Variants in ATAD2B observed in about 807,000 individuals in gnomAD.
ATAD2B encodes ATPase family AAA domain containing 2B.
ATAD2B carries 40 observed loss-of-function variants against 167.6 expected under a neutral mutation model. That is an observed-to-expected ratio of 0.24 (90% CI 0.19 to 0.31). The LOEUF (loss-of-function observed/expected upper bound fraction) is 0.31, where lower values mean the gene tolerates loss of function less well. ATAD2B is among the 10% of genes least tolerant of loss of function. The pLI is 1.00. For synonymous variants in ATAD2B, 579 were observed against 596.5 expected (o/e 0.97, Z 0.43); for missense variants, 1,242 against 1,757.2 (o/e 0.71, Z 5.24).
chr2:23,842,404 A>G (rs1205390922), intron 13 of ATAD2B, among the ~76,000 whole-genome samples: 1 of 152,222 alleles, frequency 6.6e-6, no homozygotes, highest in African/African-American at 2.4e-5. Context: ...CCTATGCATT[A>G]TAATACATGA....
intron 22 of ATAD2B, among the ~76,000 whole-genome samples, chr2:23,779,021 G>A (rs1281687951): frequency 6.6e-6 from 1 of 152,148 alleles, no homozygotes; most frequent in East Asian, 1.9e-4. Context: ...AGCAAGGGAA[G>A]GGAGTGAAAT....
intron 13 of ATAD2B, among the ~76,000 whole-genome samples, chr2:23,849,033 T>C (rs1692142167): frequency 6.6e-6 from 1 of 151,996 alleles, no homozygotes; most frequent in Non-Finnish European, 1.5e-5. Context: ...CTTTCAAAGT[T>C]TCAAAGTGTT....
chr2:23,787,365 T>A (rs1680981217), intron 20 of ATAD2B, among the ~76,000 whole-genome samples: 1 of 151,990 alleles, frequency 6.6e-6, no homozygotes, highest in Non-Finnish European at 1.5e-5. Context: ...CATAGAAAAT[T>A]CAGATCTATG....
the ATAD2B span, among the ~76,000 whole-genome samples, chr2:23,711,493 C>A: frequency 6.6e-6 from 1 of 151,456 alleles, no homozygotes; most frequent in African/African-American, 2.4e-5. Context: ...CCTCAGCCTC[C>A]CAAGTAGCTG....
intron 25 of ATAD2B, chr2:23,754,994 C>A: frequency 2.5e-6 from 1 of 403,694 alleles, no homozygotes; most frequent in Non-Finnish European, 4.4e-6. Flanking sequence ...CTTAAAAAGC[C>A]AAGTCATACT....
Position 23,750,487 on chromosome 2 carries a change from GATT to G in ATAD2B, c.*1556_*1558del, listed in dbSNP as rs1400028676. On this transcript the variant is annotated 3_prime_UTR_variant, in exon 28 of 28. Transcript: ENST00000238789. The stretch of plus-strand genomic sequence containing the variant: ...TTCAGGATGTAAACGGTGGCAAAGT[GATT>G]ACAAGACTCTGTAAACACTGTTGGT... 6.6e-6 allele frequency: 1 copy of G among 152,096 alleles called. No individual in the cohort carries two copies. The highest frequency in any genetic ancestry group is 2.4e-5 in the African/African-American group (1 of 41,416). 9.4% of individuals were successfully genotyped at this position (152,096 alleles called of 1,614,324 possible).
At chr2:23,702,547 C>T in the ATAD2B span, among the ~76,000 whole-genome samples, 22 of 152,164 alleles carry the variant, frequency 1.4e-4, no homozygotes, top group Non-Finnish European at 2.5e-4. Context: ...TCCCTGTGCC[C>T]ACTCAGTCCT....
chr2:23,736,682 C>A, the ATAD2B span, among the ~76,000 whole-genome samples: 1 of 152,116 alleles, frequency 6.6e-6, no homozygotes, highest in Non-Finnish European at 1.5e-5. Context: ...CTGGGGAGTG[C>A]CAGACAGTAG....
intron 7 of ATAD2B, among the ~76,000 whole-genome samples, 173 bp from the exon 8 acceptor site, chr2:23,876,077 T>A (rs1696779925): frequency 6.6e-6 from 1 of 152,044 alleles, no homozygotes; most frequent in Non-Finnish European, 1.5e-5. Context: ...CACTGCAACC[T>A]CTCCCTCCTA....
chr2:23,883,279 C>CAAAAAAAAAAA (rs56994882), intron 6 of ATAD2B, among the ~76,000 whole-genome samples: 1 of 89,028 alleles, frequency 1.1e-5, no homozygotes, highest in Non-Finnish European at 2.3e-5. Flanking sequence ...AAAACTGTCT[C>CAAAAAAAAAAA]AAAAAAAAAA....
intron 24 of ATAD2B, among the ~76,000 whole-genome samples, chr2:23,758,454 G>C (rs1208652109): frequency 1.3e-5 from 2 of 152,196 alleles, no homozygotes; most frequent in Non-Finnish European, 2.9e-5. Context: ...CACATTACCA[G>C]GCTGCCAGAA....
chr2:23,683,539 G>A, the ATAD2B span, among the ~76,000 whole-genome samples: 1 of 152,216 alleles, frequency 6.6e-6, no homozygotes, highest in Non-Finnish European at 1.5e-5. Context: ...GGTGGGTCTG[G>A]GAGAAGCTTC....
chr2:23,841,627 C>T (rs1690926300), intron 13 of ATAD2B, among the ~76,000 whole-genome samples: 1 of 152,060 alleles, frequency 6.6e-6, no homozygotes, highest in Non-Finnish European at 1.5e-5. Flanking sequence ...GCAATCCTCC[C>T]ATCTCAGCCT....
At chr2:23,699,401 G>A in the ATAD2B span, among the ~76,000 whole-genome samples, 12 of 152,202 alleles carry the variant, frequency 7.9e-5, no homozygotes, top group African/African-American at 2.9e-4. Flanking sequence ...TCCCCTGCTG[G>A]GAGGGCCTAA....
At chr2:23,834,736 A>G (rs1474943026) in intron 13 of ATAD2B, among the ~76,000 whole-genome samples, 1 of 151,714 alleles carries the variant, frequency 6.6e-6, no homozygotes, top group Non-Finnish European at 1.5e-5. Flanking sequence ...TAAACAATAC[A>G]AAGACAAATA....
chr2:23,906,869 C>T (rs1212618124), intron 1 of ATAD2B, among the ~76,000 whole-genome samples: 3 of 151,826 alleles, frequency 2.0e-5, no homozygotes, highest in Non-Finnish European at 4.4e-5. Flanking sequence ...ACAAAAACCA[C>T]ATGATTATCT....
At chr2:23,826,165 A>C (rs1688221071) in intron 15 of ATAD2B, among the ~76,000 whole-genome samples, 1 of 152,180 alleles carries the variant, frequency 6.6e-6, no homozygotes, top group Non-Finnish European at 1.5e-5. Flanking sequence ...GCTTGAAATC[A>C]TATGTGCATT....
chr2:23,741,651 G>C, the ATAD2B span, among the ~76,000 whole-genome samples: 3 of 151,868 alleles, frequency 2.0e-5, no homozygotes, highest in Admixed American at 6.6e-5. Flanking sequence ...GGGCAAGGAC[G>C]TCATGTCTAA....
chr2:23,721,907 G>A, the ATAD2B span, among the ~76,000 whole-genome samples: 69 of 152,340 alleles, frequency 4.5e-4, no homozygotes, highest in Admixed American at 1.1e-3. Context: ...GCAGGCTGGT[G>A]AGCCCATCCC....
Sources: allele counts gnomAD v4.1 joint callset (sites outside exome capture counted in the v4.1 genomes callset), GRCh38; gene constraint gnomAD v4.1.1; transcripts MANE v1.5; gene names NCBI Gene and HGNC (gene_info 2026-07-23, HGNC 2026-07-21).